SLC6A11: variants seen among roughly 807,000 people sequenced by gnomAD.
SLC6A11 encodes the protein solute carrier family 6 member 11, also known as sodium- and chloride-dependent GABA transporter 3.
A neutral mutation model predicts 74.8 loss-of-function variants in SLC6A11; 25 were observed. The observed-to-expected ratio is 0.33, with a 90% CI of 0.24 to 0.47. SLC6A11 has a LOEUF of 0.47. Ranked by LOEUF, SLC6A11 falls within the 20% of genes least tolerant of loss-of-function variation. The probability of loss-of-function intolerance (pLI) is 1.00; values close to 1 mark genes in which losing one functional copy is unlikely to be tolerated. For synonymous variants in SLC6A11, 330 were observed against 330.2 expected (o/e 1.00, Z 0.01); for missense variants, 574 against 837.0 (o/e 0.69, Z 3.88).
Position 10,929,207 on chromosome 3 carries a change from G to T in SLC6A11, c.1239G>T (p.Val413=), listed in dbSNP as rs763944638. 1.9e-6 allele frequency: 3 copies of T among 1,614,072 alleles called. No homozygotes were observed. Among genetic ancestry groups the T allele is most frequent in the East Asian group, 2.2e-5 (1 of 44,882 alleles). The part of the protein sequence containing the change: ...LIFLGLDSQF[V]CVESLVTAVV... ...CATCATATCTCCCCATCCAGTTTGT[G>T]TGTGTGGAAAGCCTGGTGACCGCCG... The change falls in exon 10 of 14, where the codon GTG becomes GTT. Residue 413 remains valine (V), a synonymous_variant. Coordinates refer to ENST00000254488, the MANE Select transcript of SLC6A11 (RefSeq NM_014229.3).
At chr3:10,924,805 G>C (rs933401259) in intron 8 of SLC6A11, among the ~76,000 whole-genome samples, 1 of 152,190 alleles carries the variant, frequency 6.6e-6, no homozygotes, top group African/African-American at 2.4e-5. Context: ...CACTCCCACT[G>C]TAATGACACA....
chr3:10,900,095 G>A (rs1261601950), intron 6 of SLC6A11, among the ~76,000 whole-genome samples: 4 of 152,202 alleles, frequency 2.6e-5, no homozygotes, highest in Admixed American at 6.5e-5. Context: ...TCACATATTT[G>A]CCATCTCCAT....
intron 8 of SLC6A11, among the ~76,000 whole-genome samples, chr3:10,925,577 C>T (rs975921909): frequency 3.3e-5 from 5 of 152,218 alleles, no homozygotes; most frequent in African/African-American, 1.2e-4. Flanking sequence ...AGCATTTCTC[C>T]AGCCTGGACC....
At chr3:10,923,823 GATCAAGGTAAAC>G (rs1695566546) in intron 8 of SLC6A11, among the ~76,000 whole-genome samples, 1 of 151,652 alleles carries the variant, frequency 6.6e-6, no homozygotes, top group Non-Finnish European at 1.5e-5. Context: ...AACCTTAAGT[GATCAAGGTAAAC>G]ATCACCAGTA....
chr3:10,836,096 A>G (rs546683466), intron 4 of SLC6A11, among the ~76,000 whole-genome samples: 1 of 152,354 alleles, frequency 6.6e-6, no homozygotes, highest in Non-Finnish European at 1.5e-5. Context: ...TAGACATTGC[A>G]TATAAATGGA....
At chr3:10,873,409 C>CCTATCCTATCCTATCCTATCCTATG (rs1559566628) in intron 5 of SLC6A11, among the ~76,000 whole-genome samples, 6 of 124,042 alleles carry the variant, frequency 4.8e-5, no homozygotes, top group South Asian at 2.7e-4. Flanking sequence ...GCTATCCTAT[C>CCTATCCTATCCTATCCTATCCTATG]CTATCCTATC....
chr3:10,919,885 T>G (rs1034711023), intron 8 of SLC6A11, among the ~76,000 whole-genome samples: 3 of 152,198 alleles, frequency 2.0e-5, no homozygotes, highest in African/African-American at 4.8e-5. Context: ...ACACACAGGC[T>G]GGAAGCAAGA....
chr3:10,852,925 C>T (rs1466122734), intron 5 of SLC6A11, among the ~76,000 whole-genome samples: 1 of 152,170 alleles, frequency 6.6e-6, no homozygotes, highest in Non-Finnish European at 1.5e-5. Context: ...TAAGATGAGG[C>T]ACAGATGGTG....
chr3:10,917,856 C>G (rs1479339754), intron 7 of SLC6A11, among the ~76,000 whole-genome samples: 2 of 152,154 alleles, frequency 1.3e-5, no homozygotes, highest in African/African-American at 2.4e-5. Flanking sequence ...CATAAAGCCT[C>G]TCCCCCGGAG....
At chr3:10,865,116 G>A (rs1041118406) in intron 5 of SLC6A11, among the ~76,000 whole-genome samples, 2 of 152,248 alleles carry the variant, frequency 1.3e-5, no homozygotes, top group African/African-American at 4.8e-5. Flanking sequence ...TTATTGCACA[G>A]TGATGGTGAG....
At chr3:10,925,954 A>G in intron 8 of SLC6A11, 50 bp from the exon 9 acceptor site, 1 of 997,828 alleles carries the variant, frequency 1.0e-6, no homozygotes, top group East Asian at 2.4e-5. Flanking sequence ...TAGCAATGAT[A>G]TGAGGGATGG....
rs56094500 is a variant in SLC6A11, at chr3:10,870,013, G to A, written c.757-4948G>A. On this transcript the variant is annotated intron_variant, in intron 5 of 13. Transcript: ENST00000254488. ...ACCTGGAGGTTCCTGAATATATGAG[G>A]GGGCAGACAATACCCTCTGCCTATT... Among the ~76,000 whole-genome samples, 1,126 of 152,182 alleles carry A rather than the reference G, an allele frequency of 7.4e-3. 15 individuals carry two copies. The highest frequency in any genetic ancestry group is 0.026 in the African/African-American group (1,078 of 41,524).
intron 6 of SLC6A11, among the ~76,000 whole-genome samples, chr3:10,887,976 C>T (rs893672515): frequency 6.6e-6 from 1 of 152,168 alleles, no homozygotes; most frequent in African/African-American, 2.4e-5. Context: ...AGATTTCATT[C>T]ATTGGTCTGG....
intron 6 of SLC6A11, among the ~76,000 whole-genome samples, chr3:10,905,018 G>A (rs996531001): frequency 1.3e-5 from 2 of 152,168 alleles, no homozygotes; most frequent in African/African-American, 4.8e-5. Context: ...CCAAACCCAC[G>A]GAAGGGCTGG....
chr3:10,888,919 C>T (rs145493771), intron 6 of SLC6A11, among the ~76,000 whole-genome samples: 1 of 152,136 alleles, frequency 6.6e-6, no homozygotes, highest in African/African-American at 2.4e-5. Context: ...TACCAAGTAT[C>T]CATTCTTGCT....
Position 10,926,086 on chromosome 3 carries a change from G to A in SLC6A11, c.1203G>A (p.Met401Ile). ...CGCTGTGGGCCACCTTGTTCTTCAT[G>A]ATGCTCATCTTCCTGGGCCTGGACA... ...LSPLWATLFF[M>I]MLIFLGLDSQ... is the part of the protein sequence containing the mutation. The change falls in exon 9 of 14, where the codon ATG becomes ATA. Residue 401 changes from methionine to isoleucine, a missense_variant. This residue lies in a region of SLC6A11 where 257 missense variants were observed against 341.5 expected (regional missense o/e 0.75). Transcript: ENST00000254488. The surrounding 1 kb of genome is among the most constrained non-coding windows in gnomAD (Gnocchi z 5.7). 1 of 1,613,282 alleles carries A rather than the reference G, an allele frequency of 6.2e-7. No homozygotes were observed.
intron 5 of SLC6A11, among the ~76,000 whole-genome samples, chr3:10,850,158 G>T (rs1297802823): frequency 2.6e-5 from 4 of 152,098 alleles, no homozygotes; most frequent in Non-Finnish European, 5.9e-5. Context: ...ATTCTCACTT[G>T]ACAAGAAGCT....
intron 5 of SLC6A11, among the ~76,000 whole-genome samples, chr3:10,844,561 G>A (rs574718025): frequency 3.2e-4 from 48 of 152,288 alleles, no homozygotes; most frequent in African/African-American, 1.0e-3. Context: ...CTCAGTGTAC[G>A]TGACTATGAG....
At chr3:10,838,870 G>A (rs1055064771) in intron 4 of SLC6A11, among the ~76,000 whole-genome samples, 1 of 152,176 alleles carries the variant, frequency 6.6e-6, no homozygotes, top group African/African-American at 2.4e-5. Flanking sequence ...GAAGCGAGAT[G>A]GGGGAGGGTG....
Sources: allele counts gnomAD v4.1 joint callset (sites outside exome capture counted in the v4.1 genomes callset), GRCh38; gene constraint gnomAD v4.1.1; regional missense constraint gnomAD v4.1.1; non-coding constraint Gnocchi (gnomAD v3.1); transcripts MANE v1.5; gene names NCBI Gene and HGNC (gene_info 2026-07-23, HGNC 2026-07-21).